The following GLIS3 variants were observed in gnomAD, a reference collection of about 807,000 sequenced individuals.
GLIS3 encodes the protein zinc finger protein GLIS3.
GLIS3 carries 53 observed loss-of-function variants against 78.6 expected under a neutral mutation model. The ratio of observed to expected loss-of-function variants is 0.67; its 90% CI spans 0.54 to 0.85. The LOEUF (loss-of-function observed/expected upper bound fraction) is 0.85, where lower values mean the gene tolerates loss of function less well. Ranked by LOEUF, GLIS3 falls within the 40% of genes least tolerant of loss-of-function variation. The pLI is 0.00. For missense variants in GLIS3, 1,703 were observed against 1,231.1 expected, an observed-to-expected ratio of 1.38 and a Z score of -5.74; for synonymous variants, 684 against 509.9, an observed-to-expected ratio of 1.34 and a Z score of -4.60.
intron 8 of GLIS3, among the ~76,000 whole-genome samples, chr9:3,867,130 C>A (rs1820639341): frequency 6.6e-6 from 1 of 152,212 alleles, no homozygotes; most frequent in Non-Finnish European, 1.5e-5. Context: ...ACTATATAGA[C>A]TTAACTCTTG....
At chr9:3,866,308 A>G (rs1320042171) in intron 8 of GLIS3, among the ~76,000 whole-genome samples, 1 of 152,146 alleles carries the variant, frequency 6.6e-6, no homozygotes, top group Non-Finnish European at 1.5e-5. Context: ...GAAGTCAATG[A>G]AGGAAAATTA....
intron 2 of GLIS3, among the ~76,000 whole-genome samples, chr9:4,130,132 C>T (rs1355053178): frequency 6.6e-6 from 1 of 152,140 alleles, no homozygotes; most frequent in Admixed American, 6.5e-5. Context: ...CAAGATGTGG[C>T]CTGGCTGTTT....
chr9:4,089,403 T>C (rs1829307835), intron 4 of GLIS3, among the ~76,000 whole-genome samples: 1 of 152,188 alleles, frequency 6.6e-6, no homozygotes, highest in South Asian at 2.1e-4. Flanking sequence ...TGTATGTTAA[T>C]AAAAAACTGT....
At chr9:4,479,852 G>A in the GLIS3 span, among the ~76,000 whole-genome samples, 1 of 149,440 alleles carries the variant, frequency 6.7e-6, no homozygotes, top group Admixed American at 6.7e-5. Context: ...CGCTTCTCCT[G>A]TCTCCCTTCC....
At chr9:3,914,721 G>A (rs1377345412) in intron 6 of GLIS3, among the ~76,000 whole-genome samples, 1 of 152,178 alleles carries the variant, frequency 6.6e-6, no homozygotes, top group African/African-American at 2.4e-5. Context: ...ATTTCAAGCT[G>A]ATTAGGTCCC....
chr9:4,036,476 G>T (rs1157252996), intron 4 of GLIS3, among the ~76,000 whole-genome samples: 3 of 152,172 alleles, frequency 2.0e-5, no homozygotes, highest in Non-Finnish European at 1.5e-5. Context: ...GACTCCTGTT[G>T]TGAAAGAAGT....
chr9:4,257,133 A>T (rs1825027556), intron 2 of GLIS3, among the ~76,000 whole-genome samples: 2 of 152,220 alleles, frequency 1.3e-5, no homozygotes, highest in Admixed American at 1.3e-4. Flanking sequence ...TTGTCTGTTG[A>T]TGTGTACATA....
At chr9:4,401,078 A>C in the GLIS3 span, among the ~76,000 whole-genome samples, 1 of 152,334 alleles carries the variant, frequency 6.6e-6, no homozygotes, top group African/African-American at 2.4e-5. Flanking sequence ...GCACCAGCTC[A>C]GCCACAGTAG....
At position 4,152,824 on chromosome 9, in the gene GLIS3, T is replaced by G. The variant is rs7025344; in HGVS notation, c.389-26883A>C. On this transcript the variant is annotated intron_variant, in intron 2 of 10. Transcript: ENST00000381971. ...GAATTAAAAATTCTTAAGAATGGCA[T>G]GTAATATGAAGAAAACTACCTGTTT... 7.1e-3 allele frequency among the ~76,000 whole-genome samples: 1,075 copies of G among 152,306 alleles called. 14 individuals are homozygous for G. Among genetic ancestry groups the G allele is most frequent in the African/African-American group, 0.025 (1,025 of 41,558 alleles).
At chr9:4,402,266 T>C in the GLIS3 span, among the ~76,000 whole-genome samples, 1 of 152,332 alleles carries the variant, frequency 6.6e-6, no homozygotes, top group South Asian at 2.1e-4. Context: ...ACCAAGGTGG[T>C]ACCTCTACAA....
chr9:3,963,515 C>G (rs1817717967), intron 4 of GLIS3, among the ~76,000 whole-genome samples: 2 of 152,134 alleles, frequency 1.3e-5, no homozygotes, highest in Admixed American at 1.3e-4. Context: ...AAGTGGCTTC[C>G]CATCTCCCAA....
Position 4,080,425 on chromosome 9 carries a change from A to T in GLIS3, c.1710+37343T>A, listed in dbSNP as rs569595859. ...TGATGCAGTATTTAAAATAATCAAC[A>T]TTAGTACAAAAAAATGCATGATGAA... On this transcript the variant is annotated intron_variant, in intron 4 of 10. Transcript: ENST00000381971. Among the ~76,000 whole-genome samples the T allele has an allele frequency of 2.0e-5, 3 of 152,326 alleles. No homozygotes were observed. In the South Asian group the frequency reaches 6.2e-4, roughly 32 times the overall value.
chr9:4,360,772 G>T, the GLIS3 span, among the ~76,000 whole-genome samples: 1,049 of 152,288 alleles, frequency 6.9e-3, 12 homozygotes, highest in African/African-American at 0.024. Context: ...AGTGTGTTGA[G>T]GCACAGACAC....
chr9:4,169,351 C>G (rs1408624488), intron 2 of GLIS3, among the ~76,000 whole-genome samples: 1 of 152,194 alleles, frequency 6.6e-6, no homozygotes, highest in African/African-American at 2.4e-5. Flanking sequence ...CGAAGGCTTT[C>G]AGATAACTCC....
chr9:4,343,342 A>G (rs1817860619), intron 2 of GLIS3, among the ~76,000 whole-genome samples: 1 of 151,062 alleles, frequency 6.6e-6, no homozygotes, highest in East Asian at 1.9e-4. Context: ...CACCTGTCTC[A>G]ACAAAACAAA....
intron 2 of GLIS3, among the ~76,000 whole-genome samples, chr9:4,168,541 T>C (rs909344968): frequency 2.0e-5 from 3 of 152,236 alleles, no homozygotes; most frequent in African/African-American, 7.2e-5. Flanking sequence ...GGTTTAAAGC[T>C]CTTTAGTTCA....
the GLIS3 span, among the ~76,000 whole-genome samples, chr9:4,455,709 C>T: frequency 6.6e-6 from 1 of 152,078 alleles, no homozygotes; most frequent in Non-Finnish European, 1.5e-5. Context: ...TGTTTCTTTC[C>T]AGATCCTGAA....
chr9:3,826,116 T>C lies in GLIS3; in HGVS notation c.*2156A>G, dbSNP rs1381396190. 1.3e-5 allele frequency: 2 copies of C among 152,198 alleles called. No homozygotes were observed. The highest frequency in any genetic ancestry group is 1.9e-4 in the East Asian group (1 of 5,192). 9.4% of individuals were successfully genotyped at this position (152,198 alleles called of 1,614,324 possible). A position where few individuals can be genotyped will look rare whatever the true frequency, so the allele number is the denominator to read the frequency against. ...TTCCCCCTTTCTATTTTAAATTACA[T>C]AAAGCCAAAAGGCAGGGCTGACAAT... On this transcript the variant is annotated 3_prime_UTR_variant, in exon 11 of 11. Transcript: ENST00000381971.
rs186181056 is a variant in GLIS3, at chr9:3,943,570, C to T, written c.1711-6381G>A. Among the ~76,000 whole-genome samples, 11 of 152,296 alleles carry T rather than the reference C, an allele frequency of 7.2e-5. No homozygotes were observed. The East Asian group carries it at 1.9e-3, about 27-fold the overall frequency. ...TCATTGGAAAATTATTTAGGGTTGT[C>T]CCTGGTTAATTTGAGAGTCCTCTTA... is the stretch of plus-strand genomic sequence containing the variant. On this transcript the variant is annotated intron_variant, in intron 4 of 10. Transcript: ENST00000381971.
Sources: allele counts gnomAD v4.1 joint callset (sites outside exome capture counted in the v4.1 genomes callset), GRCh38; gene constraint gnomAD v4.1.1; transcripts MANE v1.5; gene names NCBI Gene and HGNC (gene_info 2026-07-23, HGNC 2026-07-21).